Variants in GLB1 observed in about 807,000 individuals in gnomAD.
The protein encoded by GLB1 is galactosidase beta 1.
Under a neutral mutation model 74.0 loss-of-function variants are expected in GLB1, and 56 were observed. The observed-to-expected ratio is 0.76, with a 90% CI of 0.61 to 0.94. The LOEUF is 0.94. Among genes scored for constraint, GLB1 ranks in the 40% least tolerant of loss-of-function variants. The pLI is 0.00. For missense variants in GLB1, 787 were observed against 845.5 expected (o/e 0.93, Z 0.86); for synonymous variants, 323 against 323.6 (o/e 1.00, Z 0.02).
intron 10 of GLB1, chr3:33,030,639 C>T (rs1037807578): frequency 1.0e-6 from 1 of 985,228 alleles, no homozygotes; most frequent in Admixed American, 6.2e-5. Context: ...TTTTGAAGTA[C>T]AGAAAAAATC....
At chr3:33,079,105 A>G (rs1007328457) in intron 1 of GLB1, among the ~76,000 whole-genome samples, 4 of 152,210 alleles carry the variant, frequency 2.6e-5, no homozygotes, top group African/African-American at 9.6e-5. Flanking sequence ...GCATGAACCT[A>G]TTTATATGAA....
intron 13 of GLB1, among the ~76,000 whole-genome samples, chr3:33,017,744 C>G (rs1471041367): frequency 6.6e-6 from 1 of 152,164 alleles, no homozygotes; most frequent in Non-Finnish European, 1.5e-5. Flanking sequence ...CGAAGTTCAA[C>G]AAACTTTGTA....
the GLB1 span, among the ~76,000 whole-genome samples, chr3:32,969,839 TAAAC>T: frequency 1.3e-5 from 2 of 152,364 alleles, no homozygotes; most frequent in East Asian, 1.9e-4. Context: ...GAGCCGTTTG[TAAAC>T]AAACAGTGTT....
chr3:33,030,851 A>G, intron 10 of GLB1: 1 of 984,252 alleles, frequency 1.0e-6, no homozygotes, highest in Non-Finnish European at 1.2e-6. Flanking sequence ...ATGGGTCTTA[A>G]GTTGATTTGA....
chr3:32,962,589 T>C, the GLB1 span, among the ~76,000 whole-genome samples: 43 of 152,092 alleles, frequency 2.8e-4, 1 homozygote, highest in Non-Finnish European at 1.8e-4. Context: ...AAAACTATTA[T>C]TAACAATAAG....
intron 1 of GLB1, chr3:33,091,099 A>G: frequency 1.0e-6 from 1 of 985,462 alleles, no homozygotes. Context: ...GGTGAAATCC[A>G]AAGCGAGAAC....
At chr3:33,044,938 T>C (rs1333085863) in intron 10 of GLB1, among the ~76,000 whole-genome samples, 2 of 152,168 alleles carry the variant, frequency 1.3e-5, no homozygotes, top group African/African-American at 4.8e-5. Flanking sequence ...TCAGATGCAG[T>C]CCAGAAACAG....
chr3:32,993,281 TAAAG>T (rs1009219270), downstream of GLB1, among the ~76,000 whole-genome samples: 3 of 152,124 alleles, frequency 2.0e-5, no homozygotes, highest in Non-Finnish European at 4.4e-5. Context: ...CAATGACAGA[TAAAG>T]AAAGTAGGTA....
At chr3:33,008,199 G>A (rs958484009) in intron 15 of GLB1, among the ~76,000 whole-genome samples, 4 of 152,156 alleles carry the variant, frequency 2.6e-5, no homozygotes, top group Non-Finnish European at 5.9e-5. Flanking sequence ...AAGAGGGATC[G>A]AGGGAACAAG....
At chr3:32,964,695 G>C in the GLB1 span, among the ~76,000 whole-genome samples, 1 of 152,124 alleles carries the variant, frequency 6.6e-6, no homozygotes, top group Non-Finnish European at 1.5e-5. Flanking sequence ...CTACACCTAG[G>C]TATTGATCCA....
At chr3:33,092,385 A>G in intron 1 of GLB1, 2 of 989,458 alleles carry the variant, frequency 2.0e-6, no homozygotes, top group Non-Finnish European at 2.4e-6. Context: ...CCTTCCCCAG[A>G]AAGGCTCTGG....
At chr3:33,007,143 A>ATG (rs1167818851) in intron 15 of GLB1, among the ~76,000 whole-genome samples, 1 of 152,182 alleles carries the variant, frequency 6.6e-6, no homozygotes, top group Non-Finnish European at 1.5e-5. Context: ...GTTAGGTAGG[A>ATG]TGTGTGTGTA....
In GLB1 at chr3:33,058,153, T is replaced by A; in HGVS notation, c.669A>T (p.Ala223=). ...CCCCACATTTCAGGAATGTTTTATG[T>A]GCTCCATCAGTGGTAAACAGAACCA... ...DDVVLFTTDG[A]HKTFLKCGAL... The change falls in exon 6 of 16, where the codon GCA becomes GCT. Residue 223 remains alanine, a synonymous_variant. Coordinates refer to ENST00000307363, the MANE Select transcript of GLB1 (RefSeq NM_000404.4). The A allele has an allele frequency of 1.2e-6, 2 of 1,614,148 alleles. No individual in the cohort carries two copies. The highest frequency in any genetic ancestry group is 1.1e-5 in the South Asian group (1 of 91,074).
Position 33,014,110 on chromosome 3 carries a change from A to G in GLB1, c.1680T>C (p.Ser560=). The part of the protein sequence containing the change: ...AFYMGNFSIP[S]GIPDLPQDTF... The stretch of plus-strand genomic sequence containing the variant: ...TGTCCTGGGGCAAGTCTGGGATCCC[A>G]CTGGGAATGGAGAAGTTCCCCATAT... The change falls in exon 15 of 16, where the codon AGT becomes AGC. Residue 560 remains serine (S), a synonymous_variant. Transcript: ENST00000307363. 6.2e-7 allele frequency: 1 copy of G among 1,614,178 alleles called. No individual in the cohort carries two copies. Among genetic ancestry groups the G allele is most frequent in the South Asian group, 1.1e-5 (1 of 91,080 alleles).
At chr3:32,979,851 C>CAA in the GLB1 span, among the ~76,000 whole-genome samples, 3 of 25,208 alleles carry the variant, frequency 1.2e-4, no homozygotes, top group Admixed American at 4.3e-4. Context: ...GACCCTGTCT[C>CAA]AAAAAAAAAA....
At chr3:33,005,485 T>A (rs559352191) in intron 15 of GLB1, among the ~76,000 whole-genome samples, 5 of 152,312 alleles carry the variant, frequency 3.3e-5, no homozygotes, top group South Asian at 2.1e-4. Flanking sequence ...TATACCTCTG[T>A]CTCTCCAAAT....
chr3:32,980,713 G>C, the GLB1 span, among the ~76,000 whole-genome samples: 264 of 152,038 alleles, frequency 1.7e-3, 1 homozygote, highest in South Asian at 7.5e-3. Context: ...CCCAGGAGGT[G>C]GAGGTTGCAG....
In GLB1 at chr3:33,001,633, C is replaced by T. The variant is rs534544858; in HGVS notation, c.1735-4289G>A. On this transcript the variant is annotated intron_variant, in intron 15 of 15. Coordinates refer to ENST00000307363, the MANE Select transcript of GLB1 (RefSeq NM_000404.4). The stretch of plus-strand genomic sequence containing the variant: ...GAGCTATTTCCAGCTATAACACAGG[C>T]TCTAGGAAGGGAAAGTCTTTGTCCA... Among the ~76,000 whole-genome samples, 10 of 152,284 alleles carry T rather than the reference C, an allele frequency of 6.6e-5. No individual in the cohort carries two copies. In the South Asian group the frequency reaches 2.1e-3, roughly 32 times the overall value.
intron 9 of GLB1, among the ~76,000 whole-genome samples, chr3:33,051,233 C>CAA (rs35399363): frequency 0.018 from 1,391 of 75,422 alleles, 75 homozygotes; most frequent in African/African-American, 0.075. Flanking sequence ...GACTGCGTCT[C>CAA]AAAAAAAAAA....
Sources: allele counts gnomAD v4.1 joint callset (sites outside exome capture counted in the v4.1 genomes callset), GRCh38; gene constraint gnomAD v4.1.1; transcripts MANE v1.5; gene names NCBI Gene and HGNC (gene_info 2026-07-23, HGNC 2026-07-21).